The following LRBA variants were observed in gnomAD, a reference collection of about 807,000 sequenced individuals.
LRBA encodes LPS responsive beige-like anchor protein.
In LRBA, 176 loss-of-function variants were observed where a neutral mutation model predicts 330.0. That is an observed-to-expected ratio of 0.53 (90% CI 0.47 to 0.60). The LOEUF (loss-of-function observed/expected upper bound fraction) is 0.60, where lower values mean the gene tolerates loss of function less well. Ranked by LOEUF, LRBA falls within the 20% of genes least tolerant of loss-of-function variation. LRBA has a pLI of 0.00. For missense variants in LRBA, 3,259 were observed against 3,444.8 expected, an observed-to-expected ratio of 0.95 and a Z score of 1.35; for synonymous variants, 1,230 against 1,193.0, an observed-to-expected ratio of 1.03 and a Z score of -0.64.
chr4:150,474,534 C>CT (rs1377261842), intron 42 of LRBA, among the ~76,000 whole-genome samples: 1 of 152,100 alleles, frequency 6.6e-6, no homozygotes, highest in Non-Finnish European at 1.5e-5. Flanking sequence ...CCAAAAACGT[C>CT]TATCAGGAAT....
intron 4 of LRBA, among the ~76,000 whole-genome samples, chr4:150,921,663 C>T (rs1193666950): frequency 6.6e-6 from 1 of 152,110 alleles, no homozygotes; most frequent in Non-Finnish European, 1.5e-5. Context: ...AACTCTGCCT[C>T]CCAGATTCAA....
intron 16 of LRBA, 44 bp from the exon 17 acceptor site, chr4:150,893,193 C>T (rs1204067750): frequency 9.2e-7 from 1 of 1,082,030 alleles, no homozygotes; most frequent in African/African-American, 1.6e-5. Flanking sequence ...GAGGAAAAAA[C>T]AACTTAGTTG....
At chr4:150,995,407 C>T (rs538812819) in intron 2 of LRBA, among the ~76,000 whole-genome samples, 28 of 150,002 alleles carry the variant, frequency 1.9e-4, no homozygotes, top group Admixed American at 1.4e-3. Flanking sequence ...ACAGAAGAAA[C>T]GATGAGGAAC....
chr4:150,698,429 T>C (rs1208102798), intron 36 of LRBA, among the ~76,000 whole-genome samples: 3 of 152,166 alleles, frequency 2.0e-5, no homozygotes, highest in Admixed American at 6.5e-5. Flanking sequence ...AGGTCTGGTT[T>C]TCAAAATATA....
chr4:150,395,608 C>T (rs952097), intron 47 of LRBA, among the ~76,000 whole-genome samples: 22,810 of 152,052 alleles, frequency 0.15, 1,723 homozygotes, highest in Non-Finnish European at 0.17. Flanking sequence ...GTCTTTTTAG[C>T]AGTTCCTGGC....
At chr4:150,777,365 A>G (rs1253784207) in intron 34 of LRBA, among the ~76,000 whole-genome samples, 1 of 150,084 alleles carries the variant, frequency 6.7e-6, no homozygotes, top group African/African-American at 2.5e-5. Context: ...ACCAAACATA[A>G]TTTATATTAA....
chr4:150,949,622 A>T (rs934298563), intron 2 of LRBA, among the ~76,000 whole-genome samples: 5 of 152,098 alleles, frequency 3.3e-5, no homozygotes, highest in African/African-American at 1.2e-4. Context: ...ACCTAGTTTT[A>T]AAAAATAAGT....
chr4:150,643,001 T>G (rs1581903291), intron 37 of LRBA, among the ~76,000 whole-genome samples: 1 of 151,934 alleles, frequency 6.6e-6, no homozygotes. Context: ...GCAGGACCTG[T>G]ATCTTTCATT....
intron 17 of LRBA, among the ~76,000 whole-genome samples, chr4:150,876,321 G>C (rs535700218): frequency 6.6e-6 from 1 of 152,250 alleles, no homozygotes; most frequent in African/African-American, 2.4e-5. Context: ...AATAATTCAA[G>C]TTGCTAGAGA....
At chr4:150,546,665 C>G (rs1239201894) in intron 40 of LRBA, among the ~76,000 whole-genome samples, 3 of 152,184 alleles carry the variant, frequency 2.0e-5, no homozygotes, top group Non-Finnish European at 4.4e-5. Context: ...AGCCTTACCA[C>G]AATCCACTAT....
intron 36 of LRBA, among the ~76,000 whole-genome samples, chr4:150,710,377 A>G (rs1019271102): frequency 3.0e-4 from 45 of 152,250 alleles, no homozygotes; most frequent in African/African-American, 1.1e-3. Context: ...GGGGCTTCTT[A>G]TAAGAAATTT....
chr4:150,856,859 CTAGT>C (rs754368976), intron 22 of LRBA, among the ~76,000 whole-genome samples: 9 of 152,120 alleles, frequency 5.9e-5, no homozygotes, highest in Non-Finnish European at 8.8e-5. Flanking sequence ...CTATAAACTA[CTAGT>C]TAAAGATACT....
intron 47 of LRBA, among the ~76,000 whole-genome samples, chr4:150,363,651 G>A (rs6535734): frequency 0.97 from 147,894 of 152,340 alleles, 71,874 homozygotes; most frequent in Non-Finnish European, 0.99. Context: ...TGACTATATC[G>A]CTTAATCTAT....
At chr4:150,445,398 T>TATATATACATATATAC (rs1752496051) in intron 44 of LRBA, among the ~76,000 whole-genome samples, 1 of 143,334 alleles carries the variant, frequency 7.0e-6, no homozygotes, top group Non-Finnish European at 1.5e-5. Context: ...TATATATATA[T>TATATATACATATATAC]ATATATATAT....
chr4:150,713,285 A>G (rs1786415934), intron 36 of LRBA, among the ~76,000 whole-genome samples: 1 of 152,184 alleles, frequency 6.6e-6, no homozygotes, highest in African/African-American at 2.4e-5. Context: ...GATCATCTGT[A>G]CCATAAAGAA....
chr4:150,477,767 C>T (rs959779317), intron 42 of LRBA, among the ~76,000 whole-genome samples: 2 of 151,974 alleles, frequency 1.3e-5, no homozygotes, highest in African/African-American at 4.8e-5. Context: ...ACCCCCCTCC[C>T]CGCTTCTTCC....
intron 16 of LRBA, among the ~76,000 whole-genome samples, chr4:150,894,980 A>G (rs1729906358): frequency 2.0e-5 from 3 of 152,174 alleles, no homozygotes; most frequent in African/African-American, 7.2e-5. Context: ...AATTTAAGCC[A>G]TTCTTTTATA....
intron 39 of LRBA, among the ~76,000 whole-genome samples, chr4:150,590,361 C>CAAAAA (rs5862927): frequency 1.6e-5 from 2 of 122,900 alleles, no homozygotes; most frequent in African/African-American, 6.7e-5. Context: ...GCTTTATTTA[C>CAAAAA]AAAAAAAAAA....
intron 4 of LRBA, among the ~76,000 whole-genome samples, chr4:150,924,448 G>T (rs552081032): frequency 6.6e-6 from 1 of 152,076 alleles, no homozygotes; most frequent in Non-Finnish European, 1.5e-5. Flanking sequence ...GGAGGCAGAG[G>T]TTGCAGGCAG....
Sources: allele counts gnomAD v4.1 joint callset (sites outside exome capture counted in the v4.1 genomes callset), GRCh38; gene constraint gnomAD v4.1.1; transcripts MANE v1.5; gene names NCBI Gene and HGNC (gene_info 2026-07-23, HGNC 2026-07-21).